Variants in ZFAND6 observed in about 807,000 individuals in gnomAD.
ZFAND6 encodes zinc finger AN1-type containing 6, also known as AN1-type zinc finger protein 6.
Under a neutral mutation model 24.5 loss-of-function variants are expected in ZFAND6, and 12 were observed. That is an observed-to-expected ratio of 0.49 (90% CI 0.31 to 0.79). The LOEUF (loss-of-function observed/expected upper bound fraction) is 0.79, where lower values mean the gene tolerates loss of function less well. ZFAND6 is among the 30% of genes least tolerant of loss of function. ZFAND6 has a pLI of 0.04. For synonymous variants in ZFAND6, 92 were observed against 81.5 expected, an observed-to-expected ratio of 1.13 and a Z score of -0.69; for missense variants, 207 against 245.9, an observed-to-expected ratio of 0.84 and a Z score of 1.06.
intron 5 of ZFAND6, among the ~76,000 whole-genome samples, chr15:80,125,788 T>C (rs2040347078): frequency 6.6e-6 from 1 of 152,236 alleles, no homozygotes; most frequent in South Asian, 2.1e-4. Context: ...AGTAGAAAAA[T>C]ACTGAATTTG....
intron 2 of ZFAND6, among the ~76,000 whole-genome samples, chr15:80,117,160 A>G (rs922319723): frequency 6.6e-6 from 1 of 152,216 alleles, no homozygotes; most frequent in African/African-American, 2.4e-5. Flanking sequence ...CTTTGATAAC[A>G]GATACTATTA....
chr15:80,095,113 T>C (rs2038641911), intron 1 of ZFAND6, among the ~76,000 whole-genome samples: 2 of 152,142 alleles, frequency 1.3e-5, no homozygotes. Flanking sequence ...CAACCCATAA[T>C]CATTCATTGC....
intron 1 of ZFAND6, among the ~76,000 whole-genome samples, chr15:80,071,145 T>C (rs574374072): frequency 6.6e-6 from 1 of 152,366 alleles, no homozygotes; most frequent in East Asian, 1.9e-4. Context: ...ATTATGTGAA[T>C]TTTCAGTTTG....
intron 2 of ZFAND6, among the ~76,000 whole-genome samples, chr15:80,113,867 G>C (rs2141992030): frequency 6.6e-6 from 1 of 152,176 alleles, no homozygotes; most frequent in East Asian, 1.9e-4. Context: ...GTACAATTAA[G>C]TGCCCCAAAA....
chr15:80,059,418 G>C (rs1452038657), upstream of ZFAND6: 4 of 152,294 alleles, frequency 2.6e-5, no homozygotes, highest in Admixed American at 2.0e-4. Context: ...GGGCAGTGGA[G>C]CAAGGGACAC....
intron 1 of ZFAND6, among the ~76,000 whole-genome samples, chr15:80,075,727 A>C (rs542956678): frequency 1.5e-4 from 23 of 152,178 alleles, no homozygotes; most frequent in African/African-American, 5.5e-4. Context: ...TAAACCTATT[A>C]ATGCTAATTT....
intron 1 of ZFAND6, among the ~76,000 whole-genome samples, chr15:80,086,575 A>G (rs1039436546): frequency 2.6e-5 from 4 of 152,222 alleles, no homozygotes; most frequent in Non-Finnish European, 5.9e-5. Context: ...TTTCATATAA[A>G]TGGAATAATA....
intron 5 of ZFAND6, among the ~76,000 whole-genome samples, chr15:80,123,229 G>C (rs1388146758): frequency 1.3e-5 from 2 of 152,124 alleles, no homozygotes; most frequent in Admixed American, 1.3e-4. Context: ...TCTTCCCCAT[G>C]TGTGCAATAG....
chr15:80,125,245 A>G (rs2040326199), intron 5 of ZFAND6, among the ~76,000 whole-genome samples: 1 of 152,090 alleles, frequency 6.6e-6, no homozygotes, highest in South Asian at 2.1e-4. Flanking sequence ...TAACACATAC[A>G]TCTCCCTCAG....
At chr15:80,137,360 T>C in intron 6 of ZFAND6, 120 bp from the exon 7 acceptor site, 1 of 1,112,604 alleles carries the variant, frequency 9.0e-7, no homozygotes, top group Admixed American at 3.5e-5. Flanking sequence ...ACAGTGTATT[T>C]AGAATGATTC....
chr15:80,074,062 C>G (rs1331635524), intron 1 of ZFAND6, among the ~76,000 whole-genome samples: 5 of 151,894 alleles, frequency 3.3e-5, no homozygotes, highest in Non-Finnish European at 7.4e-5. Context: ...TCGACACCAG[C>G]AGAATATGCT....
rs2038857499 is a variant in ZFAND6 at position 80,098,445 on chromosome 15, C to T, written c.-151C>T. On this transcript the variant is annotated 5_prime_UTR_variant, in exon 2 of 7. Coordinates refer to ENST00000261749, the MANE Select transcript of ZFAND6 (RefSeq NM_019006.4). ...GAATCTGAAGTCTGCTGCAGTAAAACACAGAAGGCTTTAAAATGTTTTCTT... is the reference window on the plus strand; with the variant it reads ...GAATCTGAAGTCTGCTGCAGTAAAATACAGAAGGCTTTAAAATGTTTTCTT... 1 of 152,128 alleles carries T rather than the reference C, an allele frequency of 6.6e-6. No homozygotes were observed. The allele number at this position is 152,128 out of a possible 1,614,324, so 9.4% of individuals were successfully genotyped here.
intron 1 of ZFAND6, among the ~76,000 whole-genome samples, chr15:80,079,649 CTTTTTTT>C (rs574842440): frequency 8.3e-6 from 1 of 120,488 alleles, no homozygotes; most frequent in African/African-American, 3.1e-5. Flanking sequence ...TTTTCCTTAG[CTTTTTTT>C]TTTTTTTTTT....
At position 80,120,319 on chromosome 15, in the gene ZFAND6, A is replaced by G. The variant is rs776015947; in HGVS notation, c.-17-9A>G. Reference sequence around the variant, plus strand: ...TCTGAGTTCTTTGCTAATTTTATGTAATTTTCAGGTGTGCAACTGAGGAAC... The same window carrying G: ...TCTGAGTTCTTTGCTAATTTTATGTGATTTTCAGGTGTGCAACTGAGGAAC... On this transcript the variant is annotated splice_polypyrimidine_tract_variant and intron_variant, in intron 2 of 6. Coordinates refer to ENST00000261749, the MANE Select transcript of ZFAND6 (RefSeq NM_019006.4). The G allele has an allele frequency of 1.3e-6, 2 of 1,499,702 alleles. No homozygotes were observed. Among genetic ancestry groups the G allele is most frequent in the Non-Finnish European group, 1.8e-6 (2 of 1,116,656 alleles). The allele number at this position is 1,499,702 out of a possible 1,614,324, so 92.9% of individuals were successfully genotyped here. A position where few individuals can be genotyped will look rare whatever the true frequency, so the allele number is the denominator to read the frequency against.
chr15:80,089,703 G>C (rs1228232008), intron 1 of ZFAND6, among the ~76,000 whole-genome samples: 2 of 152,116 alleles, frequency 1.3e-5, no homozygotes, highest in Non-Finnish European at 1.5e-5. Context: ...AGCTTTCCTT[G>C]TAATACTGCC....
At chr15:80,076,898 A>G (rs759674950) in intron 1 of ZFAND6, among the ~76,000 whole-genome samples, 1 of 151,600 alleles carries the variant, frequency 6.6e-6, no homozygotes, top group Non-Finnish European at 1.5e-5. Context: ...TTTAAGGGAA[A>G]CAAACATTAA....
intron 1 of ZFAND6, among the ~76,000 whole-genome samples, chr15:80,067,297 CTT>C (rs1171708434): frequency 1.3e-5 from 2 of 152,132 alleles, no homozygotes; most frequent in African/African-American, 4.8e-5. Context: ...TATTTTACCT[CTT>C]GTTACTTTTC....
At chr15:80,085,203 T>C (rs1340862737) in intron 1 of ZFAND6, among the ~76,000 whole-genome samples, 1 of 152,204 alleles carries the variant, frequency 6.6e-6, no homozygotes, top group Non-Finnish European at 1.5e-5. Context: ...CATTATCTCT[T>C]TTTCTTTTCT....
chr15:80,104,678 C>T (rs1011016062), intron 2 of ZFAND6, among the ~76,000 whole-genome samples: 1 of 152,150 alleles, frequency 6.6e-6, no homozygotes, highest in Non-Finnish European at 1.5e-5. Flanking sequence ...TTTCATTGTA[C>T]TTTTCTTGAG....
Sources: gnomAD v4.1 joint callset for allele counts (sites outside exome capture counted in the v4.1 genomes callset) on GRCh38, gnomAD v4.1.1 for gene constraint, MANE v1.5 for transcripts, NCBI Gene and HGNC (gene_info 2026-07-23, HGNC 2026-07-21) for gene names.